The following ANKRD42 variants were observed in gnomAD, a reference collection of about 807,000 sequenced individuals.
ANKRD42 encodes the protein ankyrin repeat domain-containing protein 42.
A neutral mutation model predicts 51.5 loss-of-function variants in ANKRD42; 43 were observed. The ratio of observed to expected loss-of-function variants is 0.83; its 90% CI spans 0.65 to 1.08. ANKRD42 has a LOEUF of 1.08. Among genes scored for constraint, ANKRD42 ranks in the 50% least tolerant of loss-of-function variants. The probability of loss-of-function intolerance (pLI) is 0.00; values close to 1 mark genes in which losing one functional copy is unlikely to be tolerated. For missense variants in ANKRD42, 608 were observed against 629.3 expected (o/e 0.97, Z 0.36); for synonymous variants, 203 against 213.0 (o/e 0.95, Z 0.41).
At chr11:83,226,211 AC>A (rs1862878419) in intron 6 of ANKRD42, among the ~76,000 whole-genome samples, 1 of 15,164 alleles carries the variant, frequency 6.6e-5, no homozygotes, top group Non-Finnish European at 1.3e-4. Context: ...ATGTACACAT[AC>A]ACACACACAC....
chr11:83,198,463 T>G lies in ANKRD42; in HGVS notation c.59-16T>G. On this transcript the variant is annotated splice_polypyrimidine_tract_variant and intron_variant, in intron 1 of 10. Coordinates refer to ENST00000533342, the MANE Select transcript of ANKRD42 (RefSeq NM_001300975.2). ...TAGTTTTGTAGTACATTGTAAGTAA[T>G]TTGATTTTTCAATAGGTTCCAGGAA... 6.2e-7 allele frequency: 1 copy of G among 1,603,222 alleles called. No individual in the cohort carries two copies. Among genetic ancestry groups the G allele is most frequent in the Non-Finnish European group, 8.5e-7 (1 of 1,173,202 alleles).
At chr11:83,261,828 C>T (rs1863940598), downstream of ANKRD42, 2 of 961,910 alleles carry the variant, frequency 2.1e-6, no homozygotes, top group South Asian at 1.5e-5. Context: ...TAAATTTTTG[C>T]TGCAACTGAC....
At chr11:83,209,650 T>C in intron 3 of ANKRD42, 6 of 806,738 alleles carry the variant, frequency 7.4e-6, no homozygotes, top group South Asian at 6.8e-5. Flanking sequence ...GCTGGCAAGC[T>C]GCTTTTCAGC....
downstream of ANKRD42, chr11:83,261,804 A>G: frequency 1.3e-6 from 1 of 746,000 alleles, no homozygotes; most frequent in Non-Finnish European, 2.3e-6. Flanking sequence ...TACACTTCGA[A>G]TAATCTTGTG....
chr11:83,262,294 A>T (rs528552330), downstream of ANKRD42, among the ~76,000 whole-genome samples: 1 of 152,302 alleles, frequency 6.6e-6, no homozygotes, highest in South Asian at 2.1e-4. Context: ...TGATAAATGA[A>T]ATCTTTCTTA....
At chr11:83,229,424 A>G (rs964726862) in intron 7 of ANKRD42, among the ~76,000 whole-genome samples, 2 of 151,992 alleles carry the variant, frequency 1.3e-5, no homozygotes, top group Admixed American at 6.6e-5. Flanking sequence ...CATATCCTAC[A>G]TATGTTTTTT....
At chr11:83,225,736 T>C (rs545975984) in intron 6 of ANKRD42, among the ~76,000 whole-genome samples, 1 of 131,652 alleles carries the variant, frequency 7.6e-6, no homozygotes, top group South Asian at 2.3e-4. Context: ...GCTGAAATCA[T>C]GCAATTGCAC....
chr11:83,236,495 T>A lies in ANKRD42; in HGVS notation c.1005T>A (p.Ser335Arg), dbSNP rs761357727. The change falls in exon 8 of 11, where the codon AGT (serine) becomes AGA (arginine). Residue 335 changes from serine to arginine, a missense_variant. By Grantham distance (110) the Ser-to-Arg change is moderately radical. Coordinates refer to ENST00000533342, the MANE Select transcript of ANKRD42 (RefSeq NM_001300975.2). ...NITNKAGERP[S>R]DVAKRFAHLA... is the part of the protein sequence containing the mutation. ...CCAACAAAGCAGGGGAGAGACCCAGTGATGTGGCAAAGAGGTATAAATCTC... is the reference window on the plus strand; with the variant it reads ...CCAACAAAGCAGGGGAGAGACCCAGAGATGTGGCAAAGAGGTATAAATCTC... 1 of 1,609,950 alleles carries A rather than the reference T, an allele frequency of 6.2e-7. No homozygotes were observed. Among genetic ancestry groups the A allele is most frequent in the Non-Finnish European group, 8.5e-7 (1 of 1,178,176 alleles).
At chr11:83,228,794 CAGAG>C (rs890768336) in intron 7 of ANKRD42, among the ~76,000 whole-genome samples, 3 of 152,142 alleles carry the variant, frequency 2.0e-5, no homozygotes, top group East Asian at 3.9e-4. Flanking sequence ...TTCTCCTACA[CAGAG>C]AGAGGTCCAC....
chr11:83,239,490 T>C (rs1398781300), intron 8 of ANKRD42, among the ~76,000 whole-genome samples: 1 of 152,202 alleles, frequency 6.6e-6, no homozygotes, highest in Non-Finnish European at 1.5e-5. Flanking sequence ...GTCATAAAAA[T>C]TTTCTTTTAT....
chr11:83,196,257 A>G (rs958508380), intron 1 of ANKRD42, among the ~76,000 whole-genome samples: 1 of 152,226 alleles, frequency 6.6e-6, no homozygotes, highest in Non-Finnish European at 1.5e-5. Context: ...TCTTCTGTTT[A>G]AAATTCCTCA....
At chr11:83,218,143 A>G (rs1862598271) in intron 5 of ANKRD42, among the ~76,000 whole-genome samples, 1 of 152,206 alleles carries the variant, frequency 6.6e-6, no homozygotes. Context: ...CTTTTCTAGA[A>G]AAGCAGAGGG....
chr11:83,202,152 C>T (rs1861896919), intron 2 of ANKRD42, among the ~76,000 whole-genome samples: 1 of 152,138 alleles, frequency 6.6e-6, no homozygotes, highest in African/African-American at 2.4e-5. Flanking sequence ...TTTAATCCAT[C>T]TTGAATTAAT....
chr11:83,226,314 T>C (rs529608488), intron 6 of ANKRD42, among the ~76,000 whole-genome samples: 1 of 152,338 alleles, frequency 6.6e-6, no homozygotes, highest in South Asian at 2.1e-4. Flanking sequence ...TCTTTAATGA[T>C]AGTAACTACA....
At chr11:83,253,743 AAAATGTTCTCC>A (rs1863714247), downstream of ANKRD42, among the ~76,000 whole-genome samples, 1 of 152,144 alleles carries the variant, frequency 6.6e-6, no homozygotes, top group Admixed American at 6.6e-5. Flanking sequence ...ATCTTGGTGA[AAAATGTTCTCC>A]AAATGCAGAA....
chr11:83,195,194 T>C (rs1390146604), intron 1 of ANKRD42, among the ~76,000 whole-genome samples: 1 of 152,254 alleles, frequency 6.6e-6, no homozygotes, highest in African/African-American at 2.4e-5. Flanking sequence ...TGTCATTTAC[T>C]GTGACTTCAG....
At chr11:83,246,566 G>A (rs150061277) in intron 10 of ANKRD42, among the ~76,000 whole-genome samples, 2 of 152,312 alleles carry the variant, frequency 1.3e-5, no homozygotes, top group African/African-American at 4.8e-5. Context: ...AGAGAGACAG[G>A]AGAGGGAACT....
At position 83,227,935 on chromosome 11, in the gene ANKRD42, G is replaced by A. The variant is rs1862941866; in HGVS notation, c.913+63G>A. 5 of 1,515,452 alleles carry A rather than the reference G, an allele frequency of 3.3e-6. No individual in the cohort carries two copies. In the Admixed American group the frequency reaches 1.2e-4, roughly 35 times the overall value. The allele number at this position is 1,515,452 out of a possible 1,614,324, so 93.9% of individuals were successfully genotyped here. A position where few individuals can be genotyped will look rare whatever the true frequency, so the allele number is the denominator to read the frequency against. On this transcript the variant is annotated intron_variant, in intron 7 of 10. Coordinates refer to ENST00000533342, the MANE Select transcript of ANKRD42 (RefSeq NM_001300975.2). ...GCTGCTGAGTTATTCATCTTTTAAAGTAATTATCAGTCAGAAACACATGAA... is the reference window on the plus strand; with the variant it reads ...GCTGCTGAGTTATTCATCTTTTAAAATAATTATCAGTCAGAAACACATGAA...
rs765427956 is a variant in ANKRD42 at position 83,194,322 on chromosome 11, C to T, written c.-349C>T. ...GAGTCAGTGACGATCGCAGTCGCCG[C>T]TTCAGTGGCTCCTGGGAGGGAGGGA... On this transcript the variant is annotated 5_prime_UTR_variant, in exon 1 of 11. Coordinates refer to ENST00000533342, the MANE Select transcript of ANKRD42 (RefSeq NM_001300975.2). 1.1e-5 allele frequency: 6 copies of T among 527,214 alleles called. No homozygotes were observed. The highest frequency in any genetic ancestry group is 9.2e-5 in the South Asian group (6 of 65,162). 32.7% of individuals were successfully genotyped at this position (527,214 alleles called of 1,614,324 possible). A position where few individuals can be genotyped will look rare whatever the true frequency, so the allele number is the denominator to read the frequency against.
Sources: allele counts gnomAD v4.1 joint callset (sites outside exome capture counted in the v4.1 genomes callset), GRCh38; gene constraint gnomAD v4.1.1; transcripts MANE v1.5; gene names NCBI Gene and HGNC (gene_info 2026-07-23, HGNC 2026-07-21).